The following KLRG1 variants were observed in gnomAD, a reference collection of about 807,000 sequenced individuals.
KLRG1 encodes killer cell lectin-like receptor subfamily G member 1.
In KLRG1, 16 loss-of-function variants were observed where a neutral mutation model predicts 21.8. The ratio of observed to expected loss-of-function variants is 0.73; its 90% CI spans 0.50 to 1.11. KLRG1 has a LOEUF of 1.11. Ranked by LOEUF, KLRG1 falls within the 50% of genes most tolerant of loss-of-function variation. The probability of loss-of-function intolerance (pLI) is 0.00; values close to 1 mark genes in which losing one functional copy is unlikely to be tolerated. For missense variants in KLRG1, 173 were observed against 218.3 expected (o/e 0.79, Z 1.31); for synonymous variants, 69 against 75.9 (o/e 0.91, Z 0.47).
the KLRG1 span, chr12:9,080,091 C>G: frequency 1.5e-5 from 24 of 1,578,110 alleles, no homozygotes; most frequent in Non-Finnish European, 2.1e-5. Context: ...GCTGGAGACT[C>G]ACCCAAAACT....
the KLRG1 span, chr12:9,077,998 T>G: frequency 1.1e-6 from 1 of 951,790 alleles, no homozygotes; most frequent in Non-Finnish European, 1.6e-6. Context: ...GATTAATCTT[T>G]AGTCTGCCTG....
the KLRG1 span, among the ~76,000 whole-genome samples, chr12:9,087,988 C>T: frequency 7.2e-5 from 11 of 152,112 alleles, no homozygotes; most frequent in East Asian, 2.1e-3. Flanking sequence ...AAACACTAAG[C>T]AGAATTGTGA....
At chr12:9,158,728 A>G in the KLRG1 span, 3 of 640,108 alleles carry the variant, frequency 4.7e-6, no homozygotes, top group African/African-American at 5.8e-5. Flanking sequence ...TTTAGCTTAG[A>G]CATCTCTTTT....
the KLRG1 span, among the ~76,000 whole-genome samples, chr12:9,111,790 G>A: frequency 1.3e-5 from 2 of 152,270 alleles, no homozygotes; most frequent in Non-Finnish European, 2.9e-5. Context: ...TTCCTTTATA[G>A]TGAAGATTTT....
the KLRG1 span, among the ~76,000 whole-genome samples, chr12:9,188,388 C>T: frequency 6.6e-6 from 1 of 152,096 alleles, no homozygotes; most frequent in South Asian, 2.1e-4. Context: ...TAATAACAGC[C>T]ATCTATGACA....
At chr12:9,010,820 C>T (rs1345413599), downstream of KLRG1, 1 of 152,124 alleles carries the variant, frequency 6.6e-6, no homozygotes, top group African/African-American at 2.4e-5. Flanking sequence ...ATGAGAAAAA[C>T]AGTATATCCT....
chr12:9,076,699 C>T, the KLRG1 span: 1 of 1,579,708 alleles, frequency 6.3e-7, no homozygotes, highest in Non-Finnish European at 8.7e-7. Flanking sequence ...GGATTTTTGC[C>T]ATGCAGTTCT....
the KLRG1 span, among the ~76,000 whole-genome samples, chr12:9,188,094 T>C: frequency 6.6e-6 from 1 of 152,212 alleles, no homozygotes; most frequent in Non-Finnish European, 1.5e-5. Flanking sequence ...CAAACCAATA[T>C]TCCTGATGAA....
chr12:8,971,281 A>G (rs1186899781), intron 1 of KLRG1: 1 of 151,996 alleles, frequency 6.6e-6, no homozygotes, highest in African/African-American at 2.4e-5. Flanking sequence ...CTATTCAAAA[A>G]TTTATTTCTT....
At chr12:9,192,105 G>C in the KLRG1 span, 1 of 1,153,802 alleles carries the variant, frequency 8.7e-7, no homozygotes, top group Non-Finnish European at 1.3e-6. Context: ...AGGGATGATG[G>C]AAACGATTTC....
intron 1 of KLRG1, among the ~76,000 whole-genome samples, chr12:8,966,998 T>C (rs1166688501): frequency 2.0e-5 from 3 of 148,556 alleles, no homozygotes; most frequent in Admixed American, 1.4e-4. Context: ...TGGAATACTA[T>C]GCAGCCATAA....
At chr12:8,997,802 T>C (rs1444813404) in intron 3 of KLRG1, among the ~76,000 whole-genome samples, 2 of 152,146 alleles carry the variant, frequency 1.3e-5, no homozygotes, top group Non-Finnish European at 2.9e-5. Flanking sequence ...TTTTTTCTTT[T>C]TGAGATGGAG....
At chr12:9,202,356 A>G in the KLRG1 span, 1 of 1,614,146 alleles carries the variant, frequency 6.2e-7, no homozygotes, top group Non-Finnish European at 8.5e-7. Context: ...ATCCACGGAG[A>G]CAACACGGAA....
At chr12:9,151,625 A>G in the KLRG1 span, 13 of 1,613,950 alleles carry the variant, frequency 8.1e-6, no homozygotes, top group Non-Finnish European at 1.1e-5. Context: ...AAATGAGGAC[A>G]TGGTTGTTGC....
At chr12:9,020,562 T>G in the KLRG1 span, among the ~76,000 whole-genome samples, 1 of 152,218 alleles carries the variant, frequency 6.6e-6, no homozygotes, top group South Asian at 2.1e-4. Flanking sequence ...GCATAATTAT[T>G]CTGAGATTCA....
chr12:8,968,979 T>TTAGCATTATGCTAAAATTTA (rs1946524253), intron 1 of KLRG1, among the ~76,000 whole-genome samples: 2 of 152,178 alleles, frequency 1.3e-5, no homozygotes, highest in Non-Finnish European at 2.9e-5. Context: ...CATTAAAATT[T>TTAGCATTATGCTAAAATTTA]TAGCATTATG....
At chr12:9,099,898 G>A in the KLRG1 span, among the ~76,000 whole-genome samples, 1 of 152,216 alleles carries the variant, frequency 6.6e-6, no homozygotes, top group Admixed American at 6.5e-5. Context: ...CCTTCTATGA[G>A]CCAATATTTG....
chr12:9,210,745 G>T, the KLRG1 span, among the ~76,000 whole-genome samples: 1 of 152,072 alleles, frequency 6.6e-6, no homozygotes, highest in Non-Finnish European at 1.5e-5. Context: ...AAAAGACCTT[G>T]CCTGTTTCTT....
chr12:9,192,750 A>C, the KLRG1 span: 5 of 1,537,168 alleles, frequency 3.3e-6, no homozygotes, highest in Non-Finnish European at 3.6e-6. Context: ...CTGAGTAAAC[A>C]GAAAAGCAAA....
Sources: gnomAD v4.1 joint callset for allele counts (sites outside exome capture counted in the v4.1 genomes callset) on GRCh38, gnomAD v4.1.1 for gene constraint, MANE v1.5 for transcripts, NCBI Gene and HGNC (gene_info 2026-07-23, HGNC 2026-07-21) for gene names.